The following NCOR2 variants were observed in gnomAD, a reference collection of about 807,000 sequenced individuals.
The protein encoded by NCOR2 is nuclear receptor corepressor 2, also known as CTG repeat protein 26.
NCOR2 carries 81 observed loss-of-function variants against 262.9 expected under a neutral mutation model. The ratio of observed to expected loss-of-function variants is 0.31; its 90% CI spans 0.26 to 0.37. NCOR2 has a LOEUF of 0.37. NCOR2 is among the 10% of genes least tolerant of loss of function. The pLI is 1.00. For synonymous variants in NCOR2, 1,659 were observed against 1,559.3 expected (o/e 1.06, Z -1.51); for missense variants, 3,385 against 3,621.4 (o/e 0.93, Z 1.68).
At chr12:124,398,958 C>T (rs1211319187) in intron 15 of NCOR2, among the ~76,000 whole-genome samples, 3 of 152,236 alleles carry the variant, frequency 2.0e-5, no homozygotes, top group East Asian at 1.9e-4. Context: ...GTCTGCCGAG[C>T]TCCTCTGGAT....
At chr12:124,475,194 G>A (rs913372076) in intron 3 of NCOR2, among the ~76,000 whole-genome samples, 7 of 152,056 alleles carry the variant, frequency 4.6e-5, no homozygotes, top group Non-Finnish European at 8.8e-5. Context: ...CGGACTCCTC[G>A]AGGGAAACAG....
In NCOR2 at chr12:124,407,773, A is replaced by G. The variant is rs547111573; in HGVS notation, c.1483-5212T>C. On this transcript the variant is annotated intron_variant, in intron 13 of 46. Transcript: ENST00000405201. Reference sequence around the variant, plus strand: ...GCTCAATCTCATGCACTCATTCAACAAACACTTCACTGAGCATCTACCATG... The same window carrying G: ...GCTCAATCTCATGCACTCATTCAACGAACACTTCACTGAGCATCTACCATG... 3.3e-5 allele frequency among the ~76,000 whole-genome samples: 5 copies of G among 152,370 alleles called. No individual in the cohort carries two copies. In the South Asian group the frequency reaches 1.0e-3, roughly 32 times the overall value.
At chr12:124,400,448 A>G in intron 15 of NCOR2, 53 bp downstream of exon 17, 1 of 1,578,058 alleles carries the variant, frequency 6.3e-7, no homozygotes, top group East Asian at 2.3e-5. Flanking sequence ...TATGAGCGCA[A>G]CCCGCCGTGT....
At chr12:124,507,911 C>T (rs916846968) in intron 1 of NCOR2, among the ~76,000 whole-genome samples, 1 of 152,228 alleles carries the variant, frequency 6.6e-6, no homozygotes, top group African/African-American at 2.4e-5. Flanking sequence ...GAAACGCCTC[C>T]TCCCGCTTCT....
At chr12:124,345,642 A>G (rs1324840737) in intron 31 of NCOR2, among the ~76,000 whole-genome samples, 1 of 152,212 alleles carries the variant, frequency 6.6e-6, no homozygotes, top group Non-Finnish European at 1.5e-5. Flanking sequence ...TTTCAAAAGA[A>G]TATTCTAGAA....
chr12:124,482,713 C>T lies in NCOR2; in HGVS notation c.411+883G>A, dbSNP rs2047561168. Among the ~76,000 whole-genome samples the T allele has an allele frequency of 6.6e-6, 1 of 152,120 alleles. No individual in the cohort carries two copies. ...GAGGGCCCTGGGATAAGTGAGTGTG[C>T]CCAGGTGAGGCCTGGGCCCACCTGC... On this transcript the variant is annotated intron_variant, in intron 3 of 46. Coordinates refer to ENST00000405201, the Ensembl canonical transcript of NCOR2. The surrounding 1 kb of genome is among the most constrained non-coding windows in gnomAD (Gnocchi z 6.3).
rs1252531322 is a variant in NCOR2, at chr12:124,389,311, A to T, written c.1877-3424T>A. On this transcript the variant is annotated intron_variant, in intron 16 of 46. Coordinates refer to ENST00000405201, the Ensembl canonical transcript of NCOR2. The surrounding 1 kb of genome is among the most constrained non-coding windows in gnomAD (Gnocchi z 4.4). The stretch of plus-strand genomic sequence containing the variant: ...TCTTCTTGCTGCCTGACCCAGCGAG[A>T]CGCGGCAGGACTGAATGTGACCTCC... 6.6e-6 allele frequency among the ~76,000 whole-genome samples: 1 copy of T among 151,870 alleles called. No individual in the cohort carries two copies. Among genetic ancestry groups the T allele is most frequent in the Non-Finnish European group, 1.5e-5 (1 of 67,968 alleles).
chr12:124,334,496 C>T lies in NCOR2; in HGVS notation c.6533G>A (p.Ser2178Asn), dbSNP rs781292836. ...GTCCGGGGGCGGGAGGTAGAGGTCA[C>T]TGGGTGGGCGGCGGAGGTCCAGGAC... The change falls in exon 41 of 47, where the codon AGT (serine) becomes AAT (asparagine). Residue 2178 changes from serine to asparagine, a missense_variant. Ser to Asn is a conservative substitution (Grantham distance 46). Around this residue, in one of 5 missense-constraint regions of NCOR2, gnomAD observed 1,017 missense variants for 967.2 expected, o/e 1.05. Transcript: ENST00000405201. The T allele has an allele frequency of 4.8e-6, 7 of 1,452,312 alleles. No individual in the cohort carries two copies. Among genetic ancestry groups the T allele is most frequent in the Non-Finnish European group, 6.3e-6 (7 of 1,103,242 alleles). The allele number at this position is 1,452,312 out of a possible 1,614,324, so 90.0% of individuals were successfully genotyped here. A position where few individuals can be genotyped will look rare whatever the true frequency, so the allele number is the denominator to read the frequency against.
chr12:124,340,685 G>A, exon 35 of NCOR2: 1 of 1,527,604 alleles, frequency 6.5e-7, no homozygotes. Context: ...CATGGCGGTG[G>A]CTGGGGTGCC....
chr12:124,524,183 A>G (rs2050337964), intron 1 of NCOR2, among the ~76,000 whole-genome samples: 1 of 152,204 alleles, frequency 6.6e-6, no homozygotes, highest in South Asian at 2.1e-4. Context: ...GTTCTGGCCC[A>G]TTCAATGTTT....
At chr12:124,340,687 T>C (rs986575834) in exon 35 of NCOR2, 74 of 1,527,878 alleles carry the variant, frequency 4.8e-5, no homozygotes, top group Non-Finnish European at 6.4e-5. Flanking sequence ...TGGCGGTGGC[T>C]GGGGTGCCTG....
chr12:124,357,600 C>T (rs542940218), intron 22 of NCOR2, among the ~76,000 whole-genome samples: 8 of 152,244 alleles, frequency 5.3e-5, no homozygotes, highest in Non-Finnish European at 1.2e-4. Flanking sequence ...CTGGCCCCGC[C>T]GTCTGACTTT....
rs1267532827 is a variant in NCOR2 at position 124,354,957 on chromosome 12, T to C, written c.3382-18A>G. ...GACATTCCCTGTAGGGGCGGAGTTG[T>C]GGGGTCACAGGGGCACCCTGGTCCC... On this transcript the variant is annotated intron_variant, in intron 24 of 46. Coordinates refer to ENST00000405201, the Ensembl canonical transcript of NCOR2. The C allele has an allele frequency of 1.2e-6, 2 of 1,608,874 alleles. No homozygotes were observed. The highest frequency in any genetic ancestry group is 1.7e-4 in the Middle Eastern group (1 of 6,032).
chr12:124,356,524 C>T (rs1240817438), intron 23 of NCOR2, 118 bp downstream of exon 25: 1 of 942,152 alleles, frequency 1.1e-6, no homozygotes, highest in Non-Finnish European at 1.4e-6. Flanking sequence ...GCTGTTCCTC[C>T]AGCCAGGTCC....
rs1042787779 is a variant in NCOR2, at chr12:124,333,051, C to T, written c.6755+79G>A. On this transcript the variant is annotated intron_variant, in intron 42 of 46. Transcript: ENST00000405201. ...TGTGCCCTTGTCACTCTCCACATGG[C>T]ACCACGGTGGACTGGGGCCAAGGAT... The T allele has an allele frequency of 3.4e-5, 51 of 1,502,278 alleles. No individual in the cohort carries two copies. The African/African-American group carries it at 6.7e-4, about 20-fold the overall frequency. The allele number at this position is 1,502,278 out of a possible 1,614,324, so 93.1% of individuals were successfully genotyped here.
chr12:124,401,025 CA>C (rs2041960097), intron 14 of NCOR2, among the ~76,000 whole-genome samples: 1 of 152,096 alleles, frequency 6.6e-6, no homozygotes, highest in Admixed American at 6.6e-5. Flanking sequence ...GGCAACACAG[CA>C]AGACTCCATC....
intron 16 of NCOR2, among the ~76,000 whole-genome samples, chr12:124,396,808 G>A (rs754013578): frequency 4.6e-5 from 7 of 152,174 alleles, no homozygotes; most frequent in Non-Finnish European, 1.0e-4. Flanking sequence ...AGTGGAGGAC[G>A]GGGCCGGGCC....
At chr12:124,333,574 T>C (rs1281400453) in intron 41 of NCOR2, among the ~76,000 whole-genome samples, 1 of 152,168 alleles carries the variant, frequency 6.6e-6, no homozygotes, top group African/African-American at 2.4e-5. Context: ...CTGCTCTGAA[T>C]TCTGGTTGTA....
chr12:124,358,696 G>A (rs553403881), intron 22 of NCOR2, among the ~76,000 whole-genome samples: 1 of 152,372 alleles, frequency 6.6e-6, no homozygotes, highest in Admixed American at 6.5e-5. Context: ...AGCCCACTGA[G>A]CCAGTGCAAG....
Sources: gnomAD v4.1 joint callset for allele counts (sites outside exome capture counted in the v4.1 genomes callset) on GRCh38, gnomAD v4.1.1 for gene constraint, gnomAD v4.1.1 regional missense constraint, Gnocchi (gnomAD v3.1) non-coding constraint, MANE v1.5 for transcripts, NCBI Gene and HGNC (gene_info 2026-07-23, HGNC 2026-07-21) for gene names.